ZEB1: variants seen among roughly 807,000 people sequenced by gnomAD.
The protein encoded by ZEB1 is zinc finger E-box-binding homeobox 1.
In ZEB1, 21 loss-of-function variants were observed where a neutral mutation model predicts 84.9. The ratio of observed to expected loss-of-function variants is 0.25; its 90% confidence interval spans 0.18 to 0.36. The LOEUF (loss-of-function observed/expected upper bound fraction) is 0.36, where lower values mean the gene tolerates loss of function less well. Ranked by LOEUF, ZEB1 falls within the 10% of genes least tolerant of loss-of-function variation. The probability of loss-of-function intolerance (pLI) is 1.00; values close to 1 mark genes in which losing one functional copy is unlikely to be tolerated. For synonymous variants in ZEB1, 420 were observed against 471.1 expected (o/e 0.89, Z 1.41); for missense variants, 1,104 against 1,330.2 (o/e 0.83, Z 2.65).
intron 4 of ZEB1, among the ~76,000 whole-genome samples, chr10:31,509,253 A>C (rs974768630): frequency 6.6e-6 from 1 of 151,966 alleles, no homozygotes; most frequent in African/African-American, 2.4e-5. Context: ...GTCTCCACAT[A>C]CCTCCCTGTG....
chr10:31,471,803 A>G (rs1330821070), intron 2 of ZEB1, among the ~76,000 whole-genome samples: 1 of 143,422 alleles, frequency 7.0e-6, no homozygotes, highest in African/African-American at 2.8e-5. Flanking sequence ...TTGACCACAT[A>G]CTTGGAAGTA....
At chr10:31,480,097 T>C (rs560390655) in intron 2 of ZEB1, among the ~76,000 whole-genome samples, 42 of 152,136 alleles carry the variant, frequency 2.8e-4, no homozygotes, top group African/African-American at 1.0e-3. Flanking sequence ...ATGTGAAATA[T>C]TGTTCAACAT....
At chr10:31,495,379 C>T (rs780657919) in intron 2 of ZEB1, among the ~76,000 whole-genome samples, 6 of 152,004 alleles carry the variant, frequency 3.9e-5, no homozygotes, top group Admixed American at 6.6e-5. Flanking sequence ...TTTATAATTC[C>T]AGAATATCTA....
Position 31,339,088 on chromosome 10 carries a change from G to GT in ZEB1, c.58+19798dup, listed in dbSNP as rs1054105247. 4.3e-4 allele frequency among the ~76,000 whole-genome samples: 65 copies of GT among 152,192 alleles called. 1 individual carries two copies. The highest frequency in any genetic ancestry group is 1.5e-3 in the African/African-American group (64 of 41,528). ...ATCAGACAAATCCTTTAGAGTAATA[G>GT]TTCTTTACCCATTCAGACCCACACT... is the stretch of plus-strand genomic sequence containing the variant. On this transcript the variant is annotated intron_variant, in intron 1 of 8. Transcript: ENST00000424869.
intron 3 of ZEB1, among the ~76,000 whole-genome samples, chr10:31,498,141 G>A (rs1193555449): frequency 6.6e-6 from 1 of 151,962 alleles, no homozygotes; most frequent in Non-Finnish European, 1.5e-5. Flanking sequence ...AAATATATAA[G>A]TTTATCATCT....
chr10:31,344,075 A>G (rs1025332521), intron 1 of ZEB1, among the ~76,000 whole-genome samples: 3 of 152,044 alleles, frequency 2.0e-5, no homozygotes, highest in Admixed American at 1.3e-4. Flanking sequence ...GCCTCACTGG[A>G]TCCTGGTGAT....
intron 1 of ZEB1, among the ~76,000 whole-genome samples, chr10:31,359,421 C>T (rs1243466220): frequency 6.6e-6 from 1 of 151,812 alleles, no homozygotes; most frequent in South Asian, 2.1e-4. Context: ...ACAAAAATTC[C>T]ACCTTCATTT....
At chr10:31,459,367 G>T (rs2061573047) in intron 1 of ZEB1, among the ~76,000 whole-genome samples, 1 of 152,032 alleles carries the variant, frequency 6.6e-6, no homozygotes. Flanking sequence ...GGTGAGGTTT[G>T]TGTTACAACT....
intron 1 of ZEB1, among the ~76,000 whole-genome samples, chr10:31,455,934 G>T (rs966867177): frequency 6.6e-6 from 1 of 152,110 alleles, no homozygotes; most frequent in African/African-American, 2.4e-5. Flanking sequence ...TATAAATCAT[G>T]CTGCTATAAA....
intron 1 of ZEB1, among the ~76,000 whole-genome samples, chr10:31,362,489 G>A (rs1038049782): frequency 1.3e-4 from 20 of 148,650 alleles, no homozygotes; most frequent in African/African-American, 4.0e-4. Context: ...ACAGGGCGGC[G>A]GCCTGGCGGA....
intron 1 of ZEB1, chr10:31,319,517 G>A: frequency 3.5e-6 from 2 of 566,086 alleles, no homozygotes; most frequent in Admixed American, 3.1e-5. Flanking sequence ...TCTCTTACCT[G>A]GTCTCTCTCC....
chr10:31,371,963 A>G (rs961305238), intron 1 of ZEB1, among the ~76,000 whole-genome samples: 1 of 152,136 alleles, frequency 6.6e-6, no homozygotes, highest in Non-Finnish European at 1.5e-5. Flanking sequence ...ATTGATAGGT[A>G]AACATCAGAA....
rs550741798 is a variant in ZEB1 at position 31,410,878 on chromosome 10, T to C, written c.59-50159T>C. ...CCCCTTTATCATTTTTTATTGTGTC[T>C]GTTTGATTCTTCTCTATTAGTCTGG... On this transcript the variant is annotated intron_variant, in intron 1 of 8. Transcript: ENST00000424869. Among the ~76,000 whole-genome samples the C allele has an allele frequency of 2.6e-5, 4 of 152,322 alleles. No homozygotes were observed. The East Asian group carries it at 7.7e-4, about 29-fold the overall frequency.
chr10:31,514,450 G>T (rs765335011), intron 5 of ZEB1, among the ~76,000 whole-genome samples, 153 bp from the exon 6 acceptor site: 1 of 152,034 alleles, frequency 6.6e-6, no homozygotes, highest in African/African-American at 2.4e-5. Flanking sequence ...AATTTCAAGA[G>T]TTAGATTTTT....
At position 31,520,073 on chromosome 10, in the gene ZEB1, A is replaced by G. The variant is rs2071974335; in HGVS notation, c.794-53A>G. 6.9e-6 allele frequency: 11 copies of G among 1,588,274 alleles called. No homozygotes were observed. In the Admixed American group the frequency reaches 1.4e-4, roughly 20 times the overall value. ...TGTTTTAGGGAAATGAGGATACATA[A>G]AAATTTATATGTAATAATTCAGTGA... is the stretch of plus-strand genomic sequence containing the variant. On this transcript the variant is annotated intron_variant, in intron 6 of 8. Transcript: ENST00000424869. The surrounding 1 kb of genome is among the most constrained non-coding windows in gnomAD (Gnocchi z 5.1).
intron 2 of ZEB1, 36 bp from the exon 3 acceptor site, chr10:31,495,740 A>C: frequency 6.2e-7 from 1 of 1,608,206 alleles, no homozygotes; most frequent in Non-Finnish European, 8.5e-7. Context: ...TATTAGGAAC[A>C]CTATAGATCT....
In ZEB1 at chr10:31,348,581, AAG is replaced by A. The variant is rs143111215; in HGVS notation, c.58+29291_58+29292del. On this transcript the variant is annotated intron_variant, in intron 1 of 8. Coordinates refer to ENST00000424869, the MANE Select transcript of ZEB1 (RefSeq NM_001174096.2). ...TCGGTCTCAAAAAATAAAAAGAAAA[AAG>A]AAAAAATAGAGTCCCATAAAATTAT... Among the ~76,000 whole-genome samples the A allele has an allele frequency of 3.6e-3, 550 of 152,172 alleles. 3 individuals are homozygous for A. The highest frequency in any genetic ancestry group is 0.013 in the African/African-American group (531 of 41,526).
intron 1 of ZEB1, among the ~76,000 whole-genome samples, chr10:31,339,108 C>T (rs539434498): frequency 6.6e-6 from 1 of 152,192 alleles, no homozygotes; most frequent in South Asian, 2.1e-4. Flanking sequence ...CATTCAGACC[C>T]ACACTCCATT....
chr10:31,434,932 A>G (rs759670213), intron 1 of ZEB1, among the ~76,000 whole-genome samples: 2 of 152,182 alleles, frequency 1.3e-5, no homozygotes, highest in Non-Finnish European at 2.9e-5. Flanking sequence ...CCTTGCCCTC[A>G]TGGAGCTTAC....
Sources: allele counts gnomAD v4.1 joint callset (sites outside exome capture counted in the v4.1 genomes callset), GRCh38; gene constraint gnomAD v4.1.1; non-coding constraint Gnocchi (gnomAD v3.1); transcripts MANE v1.5; gene names NCBI Gene and HGNC (gene_info 2026-07-23, HGNC 2026-07-21).